TIAM1: variants seen among roughly 807,000 people sequenced by gnomAD.
TIAM1 encodes rho guanine nucleotide exchange factor TIAM1.
In TIAM1, 65 loss-of-function variants were observed where a neutral mutation model predicts 163.5. That is an observed-to-expected ratio of 0.40 (90% CI 0.33 to 0.49). TIAM1 has a LOEUF of 0.49. TIAM1 is among the 20% of genes least tolerant of loss of function. The probability of loss-of-function intolerance (pLI) is 0.77; values close to 1 mark genes in which losing one functional copy is unlikely to be tolerated. For synonymous variants in TIAM1, 833 were observed against 810.1 expected (o/e 1.03, Z -0.48); for missense variants, 1,789 against 2,044.7 (o/e 0.87, Z 2.41).
intron 6 of TIAM1, among the ~76,000 whole-genome samples, chr21:31,234,539 G>A (rs1478118098): frequency 2.0e-5 from 3 of 152,072 alleles, no homozygotes; most frequent in African/African-American, 4.8e-5. Context: ...TCAGCACTTC[G>A]GGAGGCTGAG....
At chr21:31,402,160 C>T (rs1253183651) in intron 2 of TIAM1, among the ~76,000 whole-genome samples, 1 of 151,932 alleles carries the variant, frequency 6.6e-6, no homozygotes, top group East Asian at 1.9e-4. Flanking sequence ...TTGCAGTGAG[C>T]CGAGATTGAG....
chr21:31,118,746 T>G lies in TIAM1; in HGVS notation c.*1622A>C. 2.5e-6 allele frequency: 1 copy of G among 402,900 alleles called. No individual in the cohort carries two copies. Among genetic ancestry groups the G allele is most frequent in the Non-Finnish European group, 5.1e-6 (1 of 197,696 alleles). 25.0% of individuals were successfully genotyped at this position (402,900 alleles called of 1,614,324 possible). A position where few individuals can be genotyped will look rare whatever the true frequency, so the allele number is the denominator to read the frequency against. Reference sequence around the variant, plus strand: ...GGTATAGAAACCATTCTAAAGCTTTTTCAGAAAACCAGAAGATATAGCAAA... The same window carrying G: ...GGTATAGAAACCATTCTAAAGCTTTGTCAGAAAACCAGAAGATATAGCAAA... On this transcript the variant is annotated 3_prime_UTR_variant, in exon 28 of 28. Coordinates refer to ENST00000541036, the MANE Select transcript of TIAM1 (RefSeq NM_001353694.2).
intron 20 of TIAM1, among the ~76,000 whole-genome samples, chr21:31,142,044 C>T (rs1023132604): frequency 5.3e-5 from 8 of 152,066 alleles, no homozygotes; most frequent in African/African-American, 1.2e-4. Flanking sequence ...CCACAGAGCC[C>T]GGCCTCCCCA....
chr21:31,244,031 A>G (rs759547923), intron 6 of TIAM1, among the ~76,000 whole-genome samples: 10 of 152,062 alleles, frequency 6.6e-5, no homozygotes, highest in Non-Finnish European at 1.3e-4. Flanking sequence ...TGAAACTTCT[A>G]TTTCTTGTCC....
At chr21:31,525,863 G>A (rs1001925460) in intron 1 of TIAM1, among the ~76,000 whole-genome samples, 3 of 151,818 alleles carry the variant, frequency 2.0e-5, no homozygotes, top group South Asian at 2.1e-4. Context: ...GTGAAATCCC[G>A]CCTTTACTAA....
chr21:31,492,054 T>C (rs1051120294), intron 1 of TIAM1, among the ~76,000 whole-genome samples: 5 of 151,996 alleles, frequency 3.3e-5, no homozygotes, highest in African/African-American at 4.8e-5. Context: ...TGTGTGTATA[T>C]ATATATGTGA....
intron 25 of TIAM1, 52 bp downstream of exon 25, chr21:31,130,161 T>C (rs1369574764): frequency 1.5e-6 from 2 of 1,353,872 alleles, no homozygotes; most frequent in South Asian, 1.2e-5. Flanking sequence ...AAATAATTCC[T>C]ACACACATCA....
chr21:31,120,004 G>T lies in TIAM1; in HGVS notation c.*364C>A, dbSNP rs2081941717. 1.2e-5 allele frequency: 2 copies of T among 173,754 alleles called. No individual in the cohort carries two copies. Among genetic ancestry groups the T allele is most frequent in the African/African-American group, 4.7e-5 (2 of 42,158 alleles). The allele number at this position is 173,754 out of a possible 1,614,324, so 10.8% of individuals were successfully genotyped here. A position where few individuals can be genotyped will look rare whatever the true frequency, so the allele number is the denominator to read the frequency against. On this transcript the variant is annotated 3_prime_UTR_variant, in exon 28 of 28. Coordinates refer to ENST00000541036, the MANE Select transcript of TIAM1 (RefSeq NM_001353694.2). This position sits in a 1 kb window ranked among gnomAD's most constrained non-coding sequence, Gnocchi z 4.2. ...GATTTCAGATAGAAGGATCGTGTGTGTGCTACTATCCCTTAAATTAATCTG... is the reference window on the plus strand; with the variant it reads ...GATTTCAGATAGAAGGATCGTGTGTTTGCTACTATCCCTTAAATTAATCTG...
intron 2 of TIAM1, among the ~76,000 whole-genome samples, chr21:31,423,635 A>G (rs1195759558): frequency 1.4e-5 from 2 of 147,346 alleles, no homozygotes; most frequent in Non-Finnish European, 3.0e-5. Context: ...CCCTAGCCCT[A>G]TAACGAACTC....
intron 2 of TIAM1, among the ~76,000 whole-genome samples, chr21:31,370,492 G>A (rs189430545): frequency 9.2e-4 from 140 of 152,242 alleles, no homozygotes; most frequent in African/African-American, 3.2e-3. Context: ...GTGTGTGCAC[G>A]CGCATGTGTG....
chr21:31,143,586 A>G (rs967057777), intron 20 of TIAM1, among the ~76,000 whole-genome samples: 6 of 151,910 alleles, frequency 3.9e-5, no homozygotes, highest in African/African-American at 1.4e-4. Context: ...AATGATATTT[A>G]TAGATTTTAT....
At chr21:31,145,493 C>A (rs1406283141) in intron 20 of TIAM1, among the ~76,000 whole-genome samples, 2 of 152,094 alleles carry the variant, frequency 1.3e-5, no homozygotes, top group Non-Finnish European at 2.9e-5. Context: ...AACTGTTTGC[C>A]AAGAAAATGT....
intron 2 of TIAM1, among the ~76,000 whole-genome samples, chr21:31,439,082 T>C (rs2072555960): frequency 6.6e-6 from 1 of 152,188 alleles, no homozygotes; most frequent in Non-Finnish European, 1.5e-5. Flanking sequence ...CAGGGGAAAG[T>C]GCTATCGTTG....
chr21:31,446,782 C>T (rs1310970097), intron 2 of TIAM1, among the ~76,000 whole-genome samples: 4 of 152,100 alleles, frequency 2.6e-5, no homozygotes, highest in Admixed American at 6.6e-5. Context: ...AAAATGTTAT[C>T]GATGTGCTGC....
At chr21:31,283,946 G>A (rs1469522941) in intron 2 of TIAM1, among the ~76,000 whole-genome samples, 2 of 152,114 alleles carry the variant, frequency 1.3e-5, no homozygotes, top group Non-Finnish European at 2.9e-5. Flanking sequence ...CTTTGGGCTC[G>A]CTCTTGGCTC....
intron 1 of TIAM1, among the ~76,000 whole-genome samples, chr21:31,510,011 C>T (rs576338052): frequency 6.6e-6 from 1 of 152,332 alleles, no homozygotes; most frequent in East Asian, 1.9e-4. Flanking sequence ...ATCAAAGGAC[C>T]TCCTGACAGC....
rs761789657 is a variant in TIAM1, at chr21:31,266,484, C to T, written c.489G>A (p.Ala163=). 6.8e-6 allele frequency: 11 copies of T among 1,614,078 alleles called. No homozygotes were observed. The Admixed American group carries it at 8.3e-5, about 12-fold the overall frequency. Residue 163 remains alanine (A), a synonymous_variant, in exon 4 of 28, where the codon GCG becomes GCA. Transcript: ENST00000541036. The stretch of plus-strand genomic sequence containing the variant: ...ATTTGGAGCGTTTCTTCTTAAAGCT[C>T]GCCGTCTCCATGAAAGTGGGCCCAT... ...TSNGPTFMET[A]SFKKKRSKSA...
intron 27 of TIAM1, among the ~76,000 whole-genome samples, chr21:31,122,214 T>C (rs1377288609): frequency 6.6e-6 from 1 of 152,068 alleles, no homozygotes; most frequent in East Asian, 1.9e-4. Context: ...CTACTGTTGG[T>C]TGAGGATGGG....
In TIAM1 at chr21:31,252,105, A is replaced by G; in HGVS notation, c.1048T>C (p.Ser350Pro). 1.2e-6 allele frequency: 2 copies of G among 1,613,734 alleles called. No homozygotes were observed. Among genetic ancestry groups the G allele is most frequent in the Non-Finnish European group, 1.7e-6 (2 of 1,180,030 alleles). The stretch of plus-strand genomic sequence containing the variant: ...GAGTAGCTGGAGTTGGTGGCATTAG[A>G]TCGCCTGGACAGGAGGTCCGTGTCG... ...TTDTDLLSRR[S>P]NATNSSYSPT... The change falls in exon 5 of 28, where the codon TCT becomes CCT. Residue 350 changes from serine to proline, a missense_variant. By Grantham distance (74) the Ser-to-Pro change is moderately conservative. Transcript: ENST00000541036.
Sources: allele counts gnomAD v4.1 joint callset (sites outside exome capture counted in the v4.1 genomes callset), GRCh38; gene constraint gnomAD v4.1.1; non-coding constraint Gnocchi (gnomAD v3.1); transcripts MANE v1.5; gene names NCBI Gene and HGNC (gene_info 2026-07-23, HGNC 2026-07-21).